DCDC1: variants seen among roughly 807,000 people sequenced by gnomAD.
The protein encoded by DCDC1 is doublecortin domain containing 1, also known as doublecortin domain-containing protein 1.
DCDC1 carries 200 observed loss-of-function variants against 178.3 expected under a neutral mutation model. That is an observed-to-expected ratio of 1.12 (90% confidence interval 1.00 to 1.26). The LOEUF (loss-of-function observed/expected upper bound fraction) is 1.26. Ranked by LOEUF, DCDC1 falls within the 50% of genes most tolerant of loss-of-function variation. The pLI is 0.00. For synonymous variants in DCDC1, 690 were observed against 604.8 expected (o/e 1.14, Z -2.07); for missense variants, 1,983 against 1,749.2 (o/e 1.13, Z -2.38).
chr11:31,167,884 A>T (rs1193483466), intron 9 of DCDC1, among the ~76,000 whole-genome samples: 1 of 152,140 alleles, frequency 6.6e-6, no homozygotes, highest in Non-Finnish European at 1.5e-5. Context: ...ATCTTTTGAA[A>T]TGTCAACCCA....
chr11:30,902,532 A>G (rs952883537), intron 32 of DCDC1, among the ~76,000 whole-genome samples: 1 of 152,164 alleles, frequency 6.6e-6, no homozygotes, highest in Non-Finnish European at 1.5e-5. Flanking sequence ...GTGTGTGTGT[A>G]TATCCATATC....
intron 38 of DCDC1, among the ~76,000 whole-genome samples, chr11:30,868,154 C>A (rs939356724): frequency 6.6e-6 from 1 of 151,324 alleles, no homozygotes; most frequent in Non-Finnish European, 1.5e-5. Context: ...ATTCTTACAC[C>A]AAGACAAGGT....
chr11:31,256,469 T>G (rs796628678), intron 8 of DCDC1, among the ~76,000 whole-genome samples: 3 of 152,308 alleles, frequency 2.0e-5, no homozygotes, highest in African/African-American at 7.2e-5. Flanking sequence ...GCTATACTTA[T>G]GGGGTCAAAT....
intron 6 of DCDC1, among the ~76,000 whole-genome samples, chr11:31,303,287 C>T (rs1288179519): frequency 1.3e-5 from 2 of 152,042 alleles, no homozygotes; most frequent in African/African-American, 2.4e-5. Flanking sequence ...AAAACAATGA[C>T]CAGTTATCAA....
chr11:31,326,320 AG>A (rs1949641806), intron 3 of DCDC1, among the ~76,000 whole-genome samples: 1 of 152,214 alleles, frequency 6.6e-6, no homozygotes, highest in African/African-American at 2.4e-5. Context: ...GAAAGCAAAT[AG>A]GAAAAAAGCA....
At chr11:31,061,935 C>T (rs1356142186) in intron 20 of DCDC1, among the ~76,000 whole-genome samples, 1 of 152,032 alleles carries the variant, frequency 6.6e-6, no homozygotes, top group Non-Finnish European at 1.5e-5. Context: ...TTCCTTTCTT[C>T]CAAAGTGCAG....
At chr11:31,167,691 T>C (rs1966849349) in intron 9 of DCDC1, among the ~76,000 whole-genome samples, 1 of 152,180 alleles carries the variant, frequency 6.6e-6, no homozygotes, top group South Asian at 2.1e-4. Context: ...TTTATTCTTG[T>C]ATATCTTATT....
intron 18 of DCDC1, among the ~76,000 whole-genome samples, chr11:31,067,902 T>C (rs1052648485): frequency 6.6e-6 from 1 of 152,276 alleles, no homozygotes; most frequent in Admixed American, 6.5e-5. Context: ...AAGTCCAAGA[T>C]GTCTTTTAGG....
Position 30,903,658 on chromosome 11 carries a change from A to C in DCDC1, c.4334T>G (p.Leu1445Arg), listed in dbSNP as rs142908160. The change falls in exon 32 of 39, where the codon CTT becomes CGT. Residue 1445 changes from leucine (L) to arginine (R), a missense_variant. Leu to Arg is a moderately radical substitution (Grantham distance 102, BLOSUM62 -2). Coordinates refer to ENST00000684477, the MANE Select transcript of DCDC1 (RefSeq NM_001387274.1). Reference sequence around the variant, plus strand: ...TTTGGAGGCTGCTCTGGCAAGCCCAAGTTGTTCCGTGCATTCTGTAAGAAG... The same window carrying C: ...TTTGGAGGCTGCTCTGGCAAGCCCACGTTGTTCCGTGCATTCTGTAAGAAG... Reference protein sequence around the residue: ...PMLLTECTEQLGLARAASKVY... With the variant: ...PMLLTECTEQRGLARAASKVY... 20 of 1,608,302 alleles carry C rather than the reference A, an allele frequency of 1.2e-5. No homozygotes were observed. In the African/African-American group the frequency reaches 2.5e-4, roughly 20 times the overall value.
At chr11:30,941,699 A>C (rs1028055417) in intron 21 of DCDC1, among the ~76,000 whole-genome samples, 1 of 152,180 alleles carries the variant, frequency 6.6e-6, no homozygotes, top group South Asian at 2.1e-4. Flanking sequence ...CATTCCCTGA[A>C]AAGTTTTTGA....
chr11:31,046,551 GA>G (rs1954852914), intron 20 of DCDC1, among the ~76,000 whole-genome samples: 1 of 139,606 alleles, frequency 7.2e-6, no homozygotes, highest in Non-Finnish European at 1.6e-5. Flanking sequence ...CATTGAAAAA[GA>G]AAATTAAAAA....
chr11:31,292,332 A>G (rs1162810598), intron 6 of DCDC1, among the ~76,000 whole-genome samples: 1 of 152,202 alleles, frequency 6.6e-6, no homozygotes, highest in African/African-American at 2.4e-5. Flanking sequence ...TAGCAGCACT[A>G]TTTACAATAG....
intron 10 of DCDC1, among the ~76,000 whole-genome samples, chr11:31,128,106 T>C (rs192638135): frequency 5.3e-4 from 80 of 152,152 alleles, no homozygotes; most frequent in African/African-American, 1.9e-3. Context: ...TTAAATTCAT[T>C]ATCATTTTGT....
chr11:31,069,216 T>C (rs1956421616), intron 18 of DCDC1, among the ~76,000 whole-genome samples: 1 of 152,148 alleles, frequency 6.6e-6, no homozygotes, highest in Non-Finnish European at 1.5e-5. Context: ...TTTAAAGAAA[T>C]TGAAAATAGT....
intron 20 of DCDC1, among the ~76,000 whole-genome samples, chr11:31,009,681 G>A (rs1952057915): frequency 6.6e-6 from 1 of 152,046 alleles, no homozygotes; most frequent in African/African-American, 2.4e-5. Flanking sequence ...TCTGCTTTTT[G>A]TTCTACTCAG....
Position 31,093,995 on chromosome 11 carries a change from C to T in DCDC1, c.2118+55G>A, listed in dbSNP as rs148080998. 24 of 743,374 alleles carry T rather than the reference C, an allele frequency of 3.2e-5. 1 individual carries two copies. Among genetic ancestry groups the T allele is most frequent in the Middle Eastern group, 2.4e-4 (1 of 4,174 alleles). The allele number at this position is 743,374 out of a possible 1,614,324, so 46.0% of individuals were successfully genotyped here. A position where few individuals can be genotyped will look rare whatever the true frequency, so the allele number is the denominator to read the frequency against. On this transcript the variant is annotated intron_variant, in intron 16 of 38. Coordinates refer to ENST00000684477, the MANE Select transcript of DCDC1 (RefSeq NM_001387274.1). ...GAGAGCACCAGGTGCCAGCAAGTGC[C>T]GTGAGCCAGCAAGCAAGGGGAGGTC...
At chr11:30,924,721 T>G (rs1946487717) in intron 23 of DCDC1, among the ~76,000 whole-genome samples, 2 of 152,152 alleles carry the variant, frequency 1.3e-5, no homozygotes, top group African/African-American at 4.8e-5. Flanking sequence ...GATTAACAAT[T>G]TGGCCTTCTC....
At chr11:31,138,558 GAA>G (rs1413906773) in intron 9 of DCDC1, among the ~76,000 whole-genome samples, 3 of 152,148 alleles carry the variant, frequency 2.0e-5, no homozygotes, top group African/African-American at 4.8e-5. Context: ...AGAACCCTCT[GAA>G]TTGGAATATT....
In DCDC1 at chr11:31,168,444, G is replaced by A. The variant is rs111636727; in HGVS notation, c.1222-30660C>T. 8.3e-3 allele frequency among the ~76,000 whole-genome samples: 1,260 copies of A among 152,276 alleles called. 22 individuals are homozygous for A. Among genetic ancestry groups the A allele is most frequent in the African/African-American group, 0.029 (1,206 of 41,550 alleles). On this transcript the variant is annotated intron_variant, in intron 9 of 38. Transcript: ENST00000684477. ...CTGTGGCCAAGTAAAGTACAGGCCC[G>A]TTAAAGACAAGGAACATGGTTTTCT...
Sources: allele counts gnomAD v4.1 joint callset (sites outside exome capture counted in the v4.1 genomes callset), GRCh38; gene constraint gnomAD v4.1.1; transcripts MANE v1.5; gene names NCBI Gene and HGNC (gene_info 2026-07-23, HGNC 2026-07-21).